ZNF804B: variants seen among roughly 807,000 people sequenced by gnomAD.
ZNF804B encodes zinc finger 804B.
ZNF804B carries 80 observed loss-of-function variants against 101.4 expected under a neutral mutation model. The observed-to-expected ratio is 0.79, with a 90% CI of 0.66 to 0.95. The LOEUF is 0.95. Ranked by LOEUF, ZNF804B falls within the 40% of genes least tolerant of loss-of-function variation. The pLI is 0.00. For missense variants in ZNF804B, 1,673 were observed against 1,561.9 expected (o/e 1.07, Z -1.20); for synonymous variants, 622 against 558.8 (o/e 1.11, Z -1.59).
intron 2 of ZNF804B, among the ~76,000 whole-genome samples, chr7:89,322,810 C>G (rs111532357): frequency 0.021 from 3,121 of 152,216 alleles, 98 homozygotes; most frequent in African/African-American, 0.071. Flanking sequence ...AGAAAAAATA[C>G]TCCAGGAAAA....
At chr7:89,090,571 A>C (rs912670649) in intron 1 of ZNF804B, among the ~76,000 whole-genome samples, 1 of 152,046 alleles carries the variant, frequency 6.6e-6, no homozygotes, top group African/African-American at 2.4e-5. Flanking sequence ...TAGTAGCCTC[A>C]TGATGATTAT....
intron 2 of ZNF804B, among the ~76,000 whole-genome samples, chr7:89,270,003 A>C (rs914615252): frequency 1.2e-4 from 18 of 151,884 alleles, no homozygotes; most frequent in African/African-American, 4.4e-4. Context: ...ATTTTCTTCC[A>C]TTTTGTGGGT....
chr7:88,853,004 C>T (rs562130227), intron 1 of ZNF804B, among the ~76,000 whole-genome samples: 33 of 152,168 alleles, frequency 2.2e-4, no homozygotes, highest in Admixed American at 5.9e-4. Context: ...AGAGGAGTGA[C>T]CCTACCCTGC....
intron 1 of ZNF804B, among the ~76,000 whole-genome samples, chr7:88,926,139 A>G (rs1792793257): frequency 6.6e-6 from 1 of 152,170 alleles, no homozygotes; most frequent in African/African-American, 2.4e-5. Context: ...TTTAGAATTC[A>G]TTACTGCATT....
intron 1 of ZNF804B, among the ~76,000 whole-genome samples, chr7:89,116,610 G>T (rs1790315677): frequency 6.6e-6 from 1 of 152,106 alleles, no homozygotes; most frequent in African/African-American, 2.4e-5. Context: ...AAATTATAAA[G>T]CCTTTCTCAA....
intron 2 of ZNF804B, among the ~76,000 whole-genome samples, chr7:89,269,289 C>G (rs1468664819): frequency 2.0e-5 from 3 of 152,084 alleles, no homozygotes; most frequent in Admixed American, 2.0e-4. Flanking sequence ...GTTCAATTCC[C>G]ACCTATGAGT....
chr7:88,777,354 A>G (rs10242686), intron 1 of ZNF804B, among the ~76,000 whole-genome samples: 3,113 of 152,014 alleles, frequency 0.02, 101 homozygotes, highest in African/African-American at 0.071. Context: ...CCTAACTTCC[A>G]CTCTCCCACC....
intron 1 of ZNF804B, among the ~76,000 whole-genome samples, chr7:88,939,046 T>G (rs1219914959): frequency 6.6e-6 from 1 of 151,960 alleles, no homozygotes; most frequent in East Asian, 1.9e-4. Context: ...TAGTAGACAA[T>G]AGTAAAGTAG....
intron 2 of ZNF804B, among the ~76,000 whole-genome samples, chr7:89,320,645 A>T (rs1040790621): frequency 5.9e-5 from 9 of 152,250 alleles, no homozygotes; most frequent in South Asian, 2.1e-4. Context: ...TTAATAAAAG[A>T]TACAAAACTA....
chr7:89,035,341 T>C (rs1788909366), intron 1 of ZNF804B, among the ~76,000 whole-genome samples: 1 of 152,094 alleles, frequency 6.6e-6, no homozygotes, highest in South Asian at 2.1e-4. Flanking sequence ...TTTAATTTCA[T>C]TTTACTGTAG....
intron 2 of ZNF804B, among the ~76,000 whole-genome samples, chr7:89,237,274 G>A (rs1789298975): frequency 6.6e-6 from 1 of 152,108 alleles, no homozygotes; most frequent in Admixed American, 6.5e-5. Flanking sequence ...CATTACTGTG[G>A]AAATAGCCTG....
chr7:88,997,380 T>C (rs879627264), intron 1 of ZNF804B, among the ~76,000 whole-genome samples: 1 of 152,136 alleles, frequency 6.6e-6, no homozygotes, highest in African/African-American at 2.4e-5. Context: ...CATATAAATT[T>C]GTAACTATTT....
intron 1 of ZNF804B, among the ~76,000 whole-genome samples, chr7:88,930,347 T>C (rs961188511): frequency 5.3e-5 from 8 of 151,978 alleles, no homozygotes; most frequent in Non-Finnish European, 1.2e-4. Context: ...AAATGAAAAG[T>C]GTTTCTGTGG....
Position 88,849,612 on chromosome 7 carries a change from G to T in ZNF804B, c.108+89528G>T, listed in dbSNP as rs367672867. Among the ~76,000 whole-genome samples, 5 of 151,618 alleles carry T rather than the reference G, an allele frequency of 3.3e-5. No individual in the cohort carries two copies. The East Asian group carries it at 5.8e-4, about 18-fold the overall frequency. ...CCTCCTCAGTTCAAGTAATTCTTCT[G>T]CCTCAGACTCCCAAGTAACTGAGAT... On this transcript the variant is annotated intron_variant, in intron 1 of 3. Transcript: ENST00000333190.
chr7:88,821,185 A>T (rs766320262), intron 1 of ZNF804B, among the ~76,000 whole-genome samples: 12 of 152,146 alleles, frequency 7.9e-5, no homozygotes, highest in Non-Finnish European at 1.2e-4. Context: ...TATTGAAAAA[A>T]CTGTTATACA....
chr7:89,301,705 C>A (rs1790477216), intron 2 of ZNF804B, among the ~76,000 whole-genome samples: 1 of 151,752 alleles, frequency 6.6e-6, no homozygotes, highest in Admixed American at 6.6e-5. Context: ...GAGAGTAATG[C>A]ATAGTAGTTA....
At position 89,098,024 on chromosome 7, in the gene ZNF804B, A is replaced by G. The variant is rs1789993751; in HGVS notation, c.109-120131A>G. On this transcript the variant is annotated intron_variant, in intron 1 of 3. Transcript: ENST00000333190. ...ACATAATAATGTTTAGCACATTCTT[A>G]TCGTGCACTAGCTTGGATACAGACC... Among the ~76,000 whole-genome samples the G allele has an allele frequency of 2.0e-5, 3 of 152,168 alleles. No homozygotes were observed. The South Asian group carries it at 6.2e-4, about 31-fold the overall frequency.
chr7:89,134,744 A>G (rs1159678067), intron 1 of ZNF804B, among the ~76,000 whole-genome samples: 1 of 151,952 alleles, frequency 6.6e-6, no homozygotes, highest in African/African-American at 2.4e-5. Flanking sequence ...TTTGTAGAAC[A>G]ACTTAACTCA....
intron 1 of ZNF804B, among the ~76,000 whole-genome samples, chr7:89,095,619 T>C (rs964603790): frequency 2.6e-5 from 4 of 152,150 alleles, no homozygotes; most frequent in Admixed American, 6.5e-5. Flanking sequence ...GGTATACATA[T>C]ATGCAATGGG....
Sources: allele counts gnomAD v4.1 joint callset (sites outside exome capture counted in the v4.1 genomes callset), GRCh38; gene constraint gnomAD v4.1.1; transcripts MANE v1.5; gene names NCBI Gene and HGNC (gene_info 2026-07-23, HGNC 2026-07-21).